SLC24A2: variants seen among roughly 807,000 people sequenced by gnomAD.
SLC24A2 encodes sodium/potassium/calcium exchanger 2.
Under a neutral mutation model 62.0 loss-of-function variants are expected in SLC24A2, and 36 were observed. The observed-to-expected ratio is 0.58, with a 90% CI of 0.44 to 0.77. The LOEUF is 0.77. SLC24A2 is among the 30% of genes least tolerant of loss of function. The pLI, the probability that SLC24A2 is intolerant of heterozygous loss-of-function variation, is 0.00. For missense variants in SLC24A2, 846 were observed against 817.9 expected, an observed-to-expected ratio of 1.03 and a Z score of -0.42; for synonymous variants, 358 against 294.0, an observed-to-expected ratio of 1.22 and a Z score of -2.23.
At chr9:20,031,953 TATG>T in the SLC24A2 span, among the ~76,000 whole-genome samples, 397 of 152,336 alleles carry the variant, frequency 2.6e-3, 1 homozygote, top group African/African-American at 9.0e-3. Flanking sequence ...AAAATATCAA[TATG>T]ATATCAGAGA....
At chr9:20,239,919 G>A in the SLC24A2 span, among the ~76,000 whole-genome samples, 1 of 149,406 alleles carries the variant, frequency 6.7e-6, no homozygotes, top group South Asian at 2.1e-4. Flanking sequence ...AACCAGCTGT[G>A]AACTGGAAGA....
the SLC24A2 span, among the ~76,000 whole-genome samples, chr9:19,855,296 G>A: frequency 1.3e-5 from 2 of 152,064 alleles, no homozygotes; most frequent in African/African-American, 4.8e-5. Flanking sequence ...TATATTTAAG[G>A]TTAATATTTT....
At chr9:20,169,229 T>C in the SLC24A2 span, among the ~76,000 whole-genome samples, 1 of 152,082 alleles carries the variant, frequency 6.6e-6, no homozygotes, top group Non-Finnish European at 1.5e-5. Context: ...ACAGAGTTTA[T>C]GCTGGGATCA....
intron 2 of SLC24A2, among the ~76,000 whole-genome samples, chr9:19,756,806 C>T (rs972044741): frequency 6.6e-6 from 1 of 150,760 alleles, no homozygotes; most frequent in African/African-American, 2.4e-5. Context: ...CTTTCTCTAG[C>T]AAATGCTCAA....
the SLC24A2 span, among the ~76,000 whole-genome samples, chr9:19,885,912 C>T: frequency 4.6e-5 from 7 of 151,958 alleles, no homozygotes; most frequent in South Asian, 2.1e-4. Context: ...TCCATGTTGC[C>T]GTAAAGGACA....
chr9:19,562,390 G>C (rs969180227), intron 7 of SLC24A2, among the ~76,000 whole-genome samples: 1 of 151,876 alleles, frequency 6.6e-6, no homozygotes, highest in Non-Finnish European at 1.5e-5. Flanking sequence ...ACAATTAATA[G>C]ACATTCTTCA....
At chr9:19,990,937 G>GTATA in the SLC24A2 span, among the ~76,000 whole-genome samples, 8 of 135,226 alleles carry the variant, frequency 5.9e-5, no homozygotes, top group Non-Finnish European at 1.2e-4. Flanking sequence ...ATATATATAT[G>GTATA]TATGTATATG....
chr9:19,743,591 T>C (rs1821743498), intron 2 of SLC24A2, among the ~76,000 whole-genome samples: 1 of 152,124 alleles, frequency 6.6e-6, no homozygotes, highest in Non-Finnish European at 1.5e-5. Flanking sequence ...GGTGTTATAT[T>C]CAAAAAGAGA....
At chr9:19,548,451 C>T (rs1003803714) in intron 8 of SLC24A2, among the ~76,000 whole-genome samples, 4 of 152,108 alleles carry the variant, frequency 2.6e-5, no homozygotes, top group African/African-American at 9.7e-5. Context: ...TATTCCTACC[C>T]TAGATGTTTC....
At chr9:19,961,596 T>C in the SLC24A2 span, among the ~76,000 whole-genome samples, 9 of 152,224 alleles carry the variant, frequency 5.9e-5, no homozygotes, top group Non-Finnish European at 1.3e-4. Context: ...ACCTCTAAGA[T>C]GCCCCCAATA....
At chr9:20,126,857 T>C in the SLC24A2 span, among the ~76,000 whole-genome samples, 63 of 152,176 alleles carry the variant, frequency 4.1e-4, no homozygotes, top group Admixed American at 4.1e-3. Flanking sequence ...GGGAATTTTA[T>C]TGGTGTTGCC....
intron 2 of SLC24A2, among the ~76,000 whole-genome samples, chr9:19,623,275 C>T (rs574678717): frequency 6.6e-6 from 1 of 152,204 alleles, no homozygotes; most frequent in African/African-American, 2.4e-5. Flanking sequence ...ACAGCAAGAA[C>T]AAACTGGAAC....
the SLC24A2 span, among the ~76,000 whole-genome samples, chr9:19,876,188 A>G: frequency 6.6e-6 from 1 of 152,194 alleles, no homozygotes; most frequent in Non-Finnish European, 1.5e-5. Context: ...AGATTTCTGT[A>G]ATTGTGAATG....
chr9:19,853,279 C>T, the SLC24A2 span, among the ~76,000 whole-genome samples: 12 of 152,158 alleles, frequency 7.9e-5, no homozygotes, highest in African/African-American at 2.7e-4. Context: ...TTTCTCTCTT[C>T]TTATTTGAAT....
At chr9:20,209,592 A>G in the SLC24A2 span, among the ~76,000 whole-genome samples, 4 of 152,138 alleles carry the variant, frequency 2.6e-5, no homozygotes, top group Non-Finnish European at 5.9e-5. Context: ...GGGGCTCTTG[A>G]ATCCCCATTC....
intron 9 of SLC24A2, among the ~76,000 whole-genome samples, chr9:19,522,340 T>C (rs2132641170): frequency 6.6e-6 from 1 of 152,276 alleles, no homozygotes; most frequent in South Asian, 2.1e-4. Flanking sequence ...CTGGACTTGG[T>C]GAAGTGTGGC....
rs1220983252 is a variant in SLC24A2 at position 19,672,103 on chromosome 9, C to T, written c.931-49804G>A. Among the ~76,000 whole-genome samples, 2 of 146,512 alleles carry T rather than the reference C, an allele frequency of 1.4e-5. 1 individual carries two copies. Among genetic ancestry groups the T allele is most frequent in the Non-Finnish European group, 3.0e-5 (2 of 67,426 alleles). On this transcript the variant is annotated intron_variant, in intron 2 of 10. Coordinates refer to ENST00000341998, the MANE Select transcript of SLC24A2 (RefSeq NM_020344.4). ...TAGGAAGAATTCCCTCTTTCTCTAT[C>T]TTGTGGAATAGTGTCAATAGGATTG...
At chr9:19,604,657 C>T (rs1836934272) in intron 4 of SLC24A2, among the ~76,000 whole-genome samples, 1 of 152,128 alleles carries the variant, frequency 6.6e-6, no homozygotes, top group East Asian at 1.9e-4. Context: ...CAAAAAAACT[C>T]CAGCCATCCA....
the SLC24A2 span, among the ~76,000 whole-genome samples, chr9:20,024,723 G>A: frequency 1.3e-5 from 2 of 152,082 alleles, no homozygotes; most frequent in African/African-American, 2.4e-5. Flanking sequence ...CAGGTCACAC[G>A]TCACTGATTT....
Sources: gnomAD v4.1 joint callset for allele counts (sites outside exome capture counted in the v4.1 genomes callset) on GRCh38, gnomAD v4.1.1 for gene constraint, MANE v1.5 for transcripts, NCBI Gene and HGNC (gene_info 2026-07-23, HGNC 2026-07-21) for gene names.